The following PLA2G4A variants were observed in gnomAD, a reference collection of about 807,000 sequenced individuals.
The protein encoded by PLA2G4A is phospholipase A2 group IVA.
In PLA2G4A, 40 loss-of-function variants were observed where a neutral mutation model predicts 81.9. That is an observed-to-expected ratio of 0.49 (90% CI 0.38 to 0.64). The LOEUF (loss-of-function observed/expected upper bound fraction) is 0.64. Among genes scored for constraint, PLA2G4A ranks in the 30% least tolerant of loss-of-function variants. PLA2G4A has a pLI of 0.00. For synonymous variants in PLA2G4A, 302 were observed against 296.9 expected (o/e 1.02, Z -0.18); for missense variants, 715 against 905.1 (o/e 0.79, Z 2.69).
chr1:186,955,923 G>A (rs1448651759), intron 13 of PLA2G4A, among the ~76,000 whole-genome samples, 179 bp from the exon 14 acceptor site: 29 of 143,898 alleles, frequency 2.0e-4, no homozygotes. Context: ...TGTATTTTTA[G>A]TAGAGATGGT....
intron 2 of PLA2G4A, among the ~76,000 whole-genome samples, chr1:186,868,406 G>A (rs1300278091): frequency 6.6e-6 from 1 of 151,994 alleles, no homozygotes; most frequent in African/African-American, 2.4e-5. Flanking sequence ...CTATGTTGTT[G>A]GACTTGATTT....
At chr1:186,943,498 T>G (rs1557885395) in intron 10 of PLA2G4A, among the ~76,000 whole-genome samples, 1 of 152,166 alleles carries the variant, frequency 6.6e-6, no homozygotes, top group Non-Finnish European at 1.5e-5. Flanking sequence ...AAATAAAGCA[T>G]GGAAAAATTC....
At chr1:186,830,608 C>CAAAAAAAAAAAAAAAAAAAAAAA (rs55745208) in intron 1 of PLA2G4A, among the ~76,000 whole-genome samples, 8 of 72,686 alleles carry the variant, frequency 1.1e-4, no homozygotes, top group South Asian at 5.7e-4. Context: ...AGCTCTGTCT[C>CAAAAAAAAAAAAAAAAAAAAAAA]AAAAAAAAAA....
intron 1 of PLA2G4A, among the ~76,000 whole-genome samples, chr1:186,831,986 T>C (rs1022740077): frequency 2.0e-5 from 3 of 152,130 alleles, no homozygotes; most frequent in Non-Finnish European, 2.9e-5. Context: ...TACTTTGTAT[T>C]CACATATTTA....
At chr1:186,958,195 G>T (rs1241224759) in intron 14 of PLA2G4A, among the ~76,000 whole-genome samples, 2 of 152,072 alleles carry the variant, frequency 1.3e-5, no homozygotes, top group East Asian at 1.9e-4. Flanking sequence ...AGGATATGAG[G>T]TATGTCTGAT....
chr1:186,843,429 G>T (rs958328678), intron 1 of PLA2G4A, among the ~76,000 whole-genome samples: 14 of 152,116 alleles, frequency 9.2e-5, no homozygotes, highest in Non-Finnish European at 2.9e-5. Context: ...CCCCCAGTTT[G>T]CTTATTCATC....
chr1:186,963,486 T>G (rs1165554331), intron 14 of PLA2G4A, among the ~76,000 whole-genome samples: 2 of 152,236 alleles, frequency 1.3e-5, no homozygotes, highest in Non-Finnish European at 2.9e-5. Context: ...CTTATTGCCC[T>G]ATAAGTTAGC....
At chr1:186,849,859 C>T (rs980174495) in intron 1 of PLA2G4A, among the ~76,000 whole-genome samples, 1 of 152,044 alleles carries the variant, frequency 6.6e-6, no homozygotes, top group African/African-American at 2.4e-5. Context: ...GTCCCTTGAA[C>T]AATGTTTGAC....
At chr1:186,914,475 G>A (rs996752571) in intron 7 of PLA2G4A, among the ~76,000 whole-genome samples, 1 of 149,348 alleles carries the variant, frequency 6.7e-6, no homozygotes, top group African/African-American at 2.5e-5. Context: ...CTCAAGAGCC[G>A]AGCTCCCTGA....
rs1310064593 is a variant in PLA2G4A, at chr1:186,950,657, A to G, written c.1265A>G (p.Glu422Gly). ...SRGSTMEEEL[E>G]NITTKHIVSN... The stretch of plus-strand genomic sequence containing the variant: ...CAATTTTTTTGTTTTCTTTTCACAG[A>G]AAATATTACCACAAAGCATATTGTG... Residue 422 changes from glutamate to glycine, a missense_variant and splice_region_variant, in exon 13 of 18, where the codon GAA becomes GGA. By Grantham distance (98) the Glu-to-Gly change is moderately conservative (BLOSUM62 -2). Coordinates refer to ENST00000367466, the MANE Select transcript of PLA2G4A (RefSeq NM_024420.3). 6 of 1,557,728 alleles carry G rather than the reference A, an allele frequency of 3.9e-6. No individual in the cohort carries two copies. The highest frequency in any genetic ancestry group is 4.4e-6 in the Non-Finnish European group (5 of 1,129,150).
At chr1:186,941,817 G>C (rs1273833822) in intron 10 of PLA2G4A, among the ~76,000 whole-genome samples, 1 of 152,252 alleles carries the variant, frequency 6.6e-6, no homozygotes, top group South Asian at 2.1e-4. Context: ...TAAGGCACAA[G>C]AGAGTACAGA....
intron 2 of PLA2G4A, among the ~76,000 whole-genome samples, chr1:186,859,104 C>G (rs544694158): frequency 6.6e-6 from 1 of 152,224 alleles, no homozygotes. Flanking sequence ...TGGTGCCAAA[C>G]AGGCTAACAC....
chr1:186,854,201 T>A, intron 1 of PLA2G4A, 85 bp from the exon 2 acceptor site: 1 of 599,442 alleles, frequency 1.7e-6, no homozygotes, highest in East Asian at 2.7e-5. Flanking sequence ...AGACTTTTTC[T>A]TCCTAAGACG....
At position 186,979,416 on chromosome 1, in the gene PLA2G4A, C is replaced by G. The variant is rs1453436557; in HGVS notation, c.2062C>G (p.Gln688Glu). The change falls in exon 17 of 18, where the codon CAA (glutamine) becomes GAA (glutamate). Residue 688 changes from glutamine (Q) to glutamate (E), a missense_variant. Transcript: ENST00000367466. Reference sequence around the variant, plus strand: ...AACCTTCAATTTTCAATATCCAAATCAAGCATTCAAAAGACTACATGATCT... The same window carrying G: ...AACCTTCAATTTTCAATATCCAAATGAAGCATTCAAAAGACTACATGATCT... ...FSTFNFQYPNQAFKRLHDLMH... is the reference protein window; with the variant it reads ...FSTFNFQYPNEAFKRLHDLMH... The G allele has an allele frequency of 1.2e-6, 2 of 1,601,744 alleles. No individual in the cohort carries two copies. The highest frequency in any genetic ancestry group is 1.7e-6 in the Non-Finnish European group (2 of 1,168,832).
At chr1:186,949,531 A>G (rs1405213504) in intron 12 of PLA2G4A, among the ~76,000 whole-genome samples, 1 of 152,108 alleles carries the variant, frequency 6.6e-6, no homozygotes, top group Non-Finnish European at 1.5e-5. Flanking sequence ...CATCTCCCAC[A>G]CCTCTGTGTA....
chr1:186,965,499 C>A lies in PLA2G4A; in HGVS notation c.1670C>A (p.Pro557Gln). The A allele has an allele frequency of 6.2e-7, 1 of 1,610,564 alleles. No homozygotes were observed. Among genetic ancestry groups the A allele is most frequent in the Non-Finnish European group, 8.5e-7 (1 of 1,176,736 alleles). ...VVDSGLTFNL[P>Q]YPLILRPQRG... The stretch of plus-strand genomic sequence containing the variant: ...GACAGTGGGCTCACATTTAACCTGC[C>A]GTATCCCTTGATACTGAGACCTCAG... The change falls in exon 15 of 18, where the codon CCG becomes CAG. Residue 557 changes from proline (P) to glutamine (Q), a missense_variant. By Grantham distance (76) the Pro-to-Gln change is moderately conservative. Transcript: ENST00000367466.
chr1:186,839,262 G>A (rs1303221781), intron 1 of PLA2G4A, among the ~76,000 whole-genome samples: 1 of 152,126 alleles, frequency 6.6e-6, no homozygotes, highest in Non-Finnish European at 1.5e-5. Flanking sequence ...TTTGTTTCTG[G>A]CTGTGCCCTT....
Position 186,829,012 on chromosome 1 carries a change from A to T in PLA2G4A, c.-93A>T, listed in dbSNP as rs559714359. The stretch of plus-strand genomic sequence containing the variant: ...AGGATCCTGACTGAAAGCTAGAGGC[A>T]TTGAGGAGCCTGAAGATTCTCAGGT... On this transcript the variant is annotated 5_prime_UTR_variant, in exon 1 of 18. Transcript: ENST00000367466. The T allele has an allele frequency of 1.3e-5, 2 of 152,310 alleles. No individual in the cohort carries two copies. Among genetic ancestry groups the T allele is most frequent in the African/African-American group, 4.8e-5 (2 of 41,570 alleles). The allele number at this position is 152,310 out of a possible 1,614,324, so 9.4% of individuals were successfully genotyped here.
chr1:186,865,459 A>C (rs191951748), intron 2 of PLA2G4A, among the ~76,000 whole-genome samples: 2 of 152,316 alleles, frequency 1.3e-5, no homozygotes, highest in East Asian at 3.9e-4. Flanking sequence ...GAAAATAAGT[A>C]TCTTACCAAA....
Sources: allele counts gnomAD v4.1 joint callset (sites outside exome capture counted in the v4.1 genomes callset), GRCh38; gene constraint gnomAD v4.1.1; transcripts MANE v1.5; gene names NCBI Gene and HGNC (gene_info 2026-07-23, HGNC 2026-07-21).